Variants in CACNA1E observed in about 807,000 individuals in gnomAD.
CACNA1E encodes voltage-dependent R-type calcium channel subunit alpha-1E.
A neutral mutation model predicts 259.2 loss-of-function variants in CACNA1E; 40 were observed. The observed-to-expected ratio is 0.15, with a 90% CI of 0.12 to 0.20. The LOEUF (loss-of-function observed/expected upper bound fraction) is 0.20. Ranked by LOEUF, CACNA1E falls within the 10% of genes least tolerant of loss-of-function variation. CACNA1E has a pLI of 1.00. For missense variants in CACNA1E, 1,874 were observed against 3,040.1 expected (o/e 0.62, Z 9.02); for synonymous variants, 1,104 against 1,138.5 (o/e 0.97, Z 0.61).
chr1:181,568,455 G>A (rs1308671047), intron 3 of CACNA1E, among the ~76,000 whole-genome samples: 4 of 152,208 alleles, frequency 2.6e-5, no homozygotes, highest in South Asian at 2.1e-4. Flanking sequence ...GAGTAGCAGT[G>A]TGGTTAACCT....
chr1:181,625,324 C>T (rs75161690), intron 6 of CACNA1E, among the ~76,000 whole-genome samples: 1,777 of 152,244 alleles, frequency 0.012, 27 homozygotes, highest in Admixed American at 0.039. Flanking sequence ...GTCTTCTCTA[C>T]TTACGATTTT....
chr1:181,445,111 T>G (rs1243457367), intron 2 of CACNA1E, among the ~76,000 whole-genome samples: 1 of 152,186 alleles, frequency 6.6e-6, no homozygotes, highest in Non-Finnish European at 1.5e-5. Flanking sequence ...ACTTCTATAC[T>G]TATTTGTTTT....
intron 1 of CACNA1E, among the ~76,000 whole-genome samples, chr1:181,501,746 A>G (rs1183948046): frequency 6.6e-6 from 1 of 151,548 alleles, no homozygotes; most frequent in Non-Finnish European, 1.5e-5. Flanking sequence ...GGGATTAAGA[A>G]GGAGAGAGGT....
chr1:181,567,362 G>T (rs1400736915), intron 3 of CACNA1E, among the ~76,000 whole-genome samples: 1 of 152,076 alleles, frequency 6.6e-6, no homozygotes, highest in Non-Finnish European at 1.5e-5. Context: ...TATATTGTCT[G>T]TGGTCTTAGA....
At chr1:181,325,645 A>ATTTG (rs1208877350) in intron 1 of CACNA1E, among the ~76,000 whole-genome samples, 4 of 150,520 alleles carry the variant, frequency 2.7e-5, no homozygotes, top group Admixed American at 1.3e-4. Context: ...TTTTATTTTT[A>ATTTG]TTTATTTATT....
At chr1:181,664,603 C>T (rs967723344) in intron 7 of CACNA1E, among the ~76,000 whole-genome samples, 18 of 152,212 alleles carry the variant, frequency 1.2e-4, no homozygotes, top group Middle Eastern at 3.4e-3. Flanking sequence ...CTCTGATTTT[C>T]TTGTATTAAT....
rs561225516 is a variant in CACNA1E, at chr1:181,680,144, A to G, written c.1055+28703A>G. On this transcript the variant is annotated intron_variant, in intron 7 of 47. Transcript: ENST00000367573. ...AAAAAAAAAAAAAAAAGAGTCCCCA[A>G]TCTCAGCAGCTAGACAGAGAGCAAG... Among the ~76,000 whole-genome samples the G allele has an allele frequency of 9.4e-4, 139 of 148,354 alleles. 1 individual carries two copies. The highest frequency in any genetic ancestry group is 6.2e-3 in the Admixed American group (92 of 14,798).
At chr1:181,719,715 C>T (rs1171252606) in intron 12 of CACNA1E, 36 bp from the exon 13 acceptor site, 4 of 1,181,372 alleles carry the variant, frequency 3.4e-6, no homozygotes, top group Non-Finnish European at 4.9e-6. Flanking sequence ...TCTCCTCTTC[C>T]TCCTCCTCTC....
intron 2 of CACNA1E, among the ~76,000 whole-genome samples, chr1:181,472,608 C>T (rs16857368): frequency 0.094 from 14,354 of 152,234 alleles, 840 homozygotes; most frequent in South Asian, 0.19. Context: ...GGCATGACAC[C>T]GAGTTTACAA....
intron 1 of CACNA1E, among the ~76,000 whole-genome samples, chr1:181,498,583 T>C (rs1664982827): frequency 6.6e-6 from 1 of 152,184 alleles, no homozygotes; most frequent in African/African-American, 2.4e-5. Context: ...TTCTCCTCCA[T>C]TTCCCTTCCC....
chr1:181,429,167 G>A (rs1435158124), intron 2 of CACNA1E, among the ~76,000 whole-genome samples: 1 of 152,162 alleles, frequency 6.6e-6, no homozygotes, highest in Non-Finnish European at 1.5e-5. Context: ...GGGCAACAGA[G>A]TGAGATTCCA....
chr1:181,429,705 G>A (rs60781448), intron 2 of CACNA1E, among the ~76,000 whole-genome samples: 8 of 152,166 alleles, frequency 5.3e-5, no homozygotes, highest in Non-Finnish European at 7.4e-5. Flanking sequence ...GGCTGTGGCC[G>A]GGAAGACAGA....
At chr1:181,533,737 T>G (rs1455877262) in intron 3 of CACNA1E, among the ~76,000 whole-genome samples, 1 of 152,136 alleles carries the variant, frequency 6.6e-6, no homozygotes, top group African/African-American at 2.4e-5. Context: ...ATATATTTTA[T>G]ACCCTATTAT....
At chr1:181,376,074 T>A (rs192244035) in intron 1 of CACNA1E, among the ~76,000 whole-genome samples, 3 of 152,204 alleles carry the variant, frequency 2.0e-5, no homozygotes, top group Non-Finnish European at 4.4e-5. Context: ...TGATCTCTAG[T>A]GCAAGAGTTT....
At chr1:181,565,343 A>C (rs1032886682) in intron 3 of CACNA1E, among the ~76,000 whole-genome samples, 4 of 152,234 alleles carry the variant, frequency 2.6e-5, no homozygotes, top group Non-Finnish European at 5.9e-5. Flanking sequence ...TTGCAGAAAT[A>C]GGGCTCCAGG....
intron 1 of CACNA1E, among the ~76,000 whole-genome samples, chr1:181,384,090 G>A (rs1655661158): frequency 6.6e-6 from 1 of 152,144 alleles, no homozygotes; most frequent in African/African-American, 2.4e-5. Flanking sequence ...CCCTACGTGG[G>A]TATGGCTGCC....
intron 1 of CACNA1E, among the ~76,000 whole-genome samples, chr1:181,351,105 A>G (rs892966413): frequency 1.3e-5 from 2 of 152,236 alleles, no homozygotes; most frequent in African/African-American, 4.8e-5. Context: ...CCAAAGAAGG[A>G]GCCAGCCATG....
chr1:181,368,371 G>T (rs142033548), intron 1 of CACNA1E, among the ~76,000 whole-genome samples: 1 of 151,250 alleles, frequency 6.6e-6, no homozygotes, highest in Non-Finnish European at 1.5e-5. Context: ...AACTATTTTC[G>T]CAGAGAACCT....
chr1:181,517,601 C>G (rs1338981737), intron 3 of CACNA1E, among the ~76,000 whole-genome samples: 2 of 151,554 alleles, frequency 1.3e-5, no homozygotes, highest in African/African-American at 4.9e-5. Flanking sequence ...CAGAGCCAAG[C>G]AGAAAGAGGG....
Sources: gnomAD v4.1 joint callset for allele counts (sites outside exome capture counted in the v4.1 genomes callset) on GRCh38, gnomAD v4.1.1 for gene constraint, MANE v1.5 for transcripts, NCBI Gene and HGNC (gene_info 2026-07-23, HGNC 2026-07-21) for gene names.